Variants in HSPG2 observed in about 807,000 individuals in gnomAD.
HSPG2 encodes the protein heparan sulfate proteoglycan 2.
HSPG2 carries 278 observed loss-of-function variants against 526.6 expected under a neutral mutation model. That is an observed-to-expected ratio of 0.53 (90% CI 0.48 to 0.58). The LOEUF is 0.58. HSPG2 is among the 20% of genes least tolerant of loss of function. The probability of loss-of-function intolerance (pLI) is 0.00; values close to 1 mark genes in which losing one functional copy is unlikely to be tolerated. For missense variants in HSPG2, 5,354 were observed against 6,099.5 expected (o/e 0.88, Z 4.07); for synonymous variants, 2,465 against 2,555.4 (o/e 0.96, Z 1.07).
intron 1 of HSPG2, among the ~76,000 whole-genome samples, chr1:21,922,675 A>G (rs1289272512): frequency 1.3e-5 from 2 of 152,154 alleles, no homozygotes; most frequent in Non-Finnish European, 1.5e-5. Flanking sequence ...AAGCCAACGT[A>G]AGGTGGAGCC....
intron 1 of HSPG2, among the ~76,000 whole-genome samples, chr1:21,927,137 G>A (rs997132977): frequency 2.0e-5 from 3 of 152,186 alleles, no homozygotes; most frequent in Non-Finnish European, 2.9e-5. Context: ...GGAGTGACCC[G>A]AGGCCACCTC....
chr1:21,872,641 G>T lies in HSPG2; in HGVS notation c.4008C>A (p.Ser1336Arg), dbSNP rs999351992. The stretch of plus-strand genomic sequence containing the variant: ...TCACCAGGTGGCGTGTGTAGGCAGA[G>T]CTGGCGCACTGCTGGGTGATGCCCA... ...FCMGITQQCA[S>R]SAYTRHLIST... The change falls in exon 32 of 97, where the codon AGC becomes AGA. Residue 1336 changes from serine to arginine, a missense_variant. Physicochemically the swap from Ser to Arg is moderately radical, Grantham distance 110 (BLOSUM62 -1). Coordinates refer to ENST00000374695, the MANE Select transcript of HSPG2 (RefSeq NM_005529.7). This position sits in a 1 kb window ranked among gnomAD's most constrained non-coding sequence, Gnocchi z 5.5. The T allele has an allele frequency of 6.3e-7, 1 of 1,593,246 alleles. No individual in the cohort carries two copies.
intron 33 of HSPG2, among the ~76,000 whole-genome samples, chr1:21,871,912 A>G (rs1640680066): frequency 6.6e-6 from 1 of 152,240 alleles, no homozygotes; most frequent in South Asian, 2.1e-4. Context: ...GAATAACTGC[A>G]TGAAAGCTAA....
At position 21,875,746 on chromosome 1, in the gene HSPG2, T is replaced by G; in HGVS notation, c.3185A>C (p.Gln1062Pro). ...CTGCCCATCGGGCCGCTGCCATGCTTGCTGCCAAGGAGAGGACACATGTGC... is the reference window on the plus strand; with the variant it reads ...CTGCCCATCGGGCCGCTGCCATGCTGGCTGCCAAGGAGAGGACACATGTGC... Reference protein sequence around the residue: ...PSTFIVPFREQAWQRPDGQPA... With the variant: ...PSTFIVPFREPAWQRPDGQPA... The change falls in exon 25 of 97, where the codon CAA becomes CCA. Residue 1062 changes from glutamine (Q) to proline (P), a missense_variant and splice_region_variant. Transcript: ENST00000374695. 1 of 1,605,838 alleles carries G rather than the reference T, an allele frequency of 6.2e-7. No homozygotes were observed. Among genetic ancestry groups the G allele is most frequent in the Non-Finnish European group, 8.5e-7 (1 of 1,179,838 alleles).
At chr1:21,882,540 C>T (rs1356076611) in intron 13 of HSPG2, among the ~76,000 whole-genome samples, 1 of 151,978 alleles carries the variant, frequency 6.6e-6, no homozygotes, top group Non-Finnish European at 1.5e-5. Flanking sequence ...TATCCTGTAC[C>T]TACACTCTTC....
chr1:21,872,588 A>T lies in HSPG2; in HGVS notation c.4029+32T>A, dbSNP rs2501266. The T allele has an allele frequency of 1, 1,560,208 of 1,565,318 alleles. 777,672 individuals carry two copies. Among genetic ancestry groups the T allele is most frequent in the East Asian group, 1 (42,709 of 42,710 alleles). ...ACAGTAACAGGCAGCAGGTGGCAAC[A>T]CCGCCTGGGGCTGGGCAGCACAGGC... is the stretch of plus-strand genomic sequence containing the variant. On this transcript the variant is annotated intron_variant, in intron 32 of 96. Coordinates refer to ENST00000374695, the MANE Select transcript of HSPG2 (RefSeq NM_005529.7). This position sits in a 1 kb window ranked among gnomAD's most constrained non-coding sequence, Gnocchi z 5.5.
chr1:21,904,324 G>GGAGGGAAGGGCACACGCT lies in HSPG2; in HGVS notation c.64-8032_64-8015dup, dbSNP rs1553177080. On this transcript the variant is annotated intron_variant, in intron 1 of 96. Transcript: ENST00000374695. The surrounding 1 kb of genome is among the most constrained non-coding windows in gnomAD (Gnocchi z 4.4). ...AGAAGGGGAAGAGTGCGGACCAGGTGGAGGGAAGGGCACACGCTGAGGCCA... is the reference window on the plus strand; with the variant it reads ...AGAAGGGGAAGAGTGCGGACCAGGTGGAGGGAAGGGCACACGCTGAGGGAAGGGCACACGCTGAGGCCA... 2.0e-5 allele frequency among the ~76,000 whole-genome samples: 3 copies of GGAGGGAAGGGCACACGCT among 152,138 alleles called. No homozygotes were observed. Among genetic ancestry groups the GGAGGGAAGGGCACACGCT allele is most frequent in the Non-Finnish European group, 4.4e-5 (3 of 68,028 alleles).
Position 21,851,906 on chromosome 1 carries a change from G to A in HSPG2, c.6891C>T (p.Tyr2297=). The A allele has an allele frequency of 6.2e-7, 1 of 1,605,994 alleles. No individual in the cohort carries two copies. Among genetic ancestry groups the A allele is most frequent in the Non-Finnish European group, 8.5e-7 (1 of 1,176,860 alleles). ...CATCGGCAGGTGAGGCCTGGAAGATGTACAGGCGGGAGCCACGAACCTGGG... is the reference window on the plus strand; with the variant it reads ...CATCGGCAGGTGAGGCCTGGAAGATATACAGGCGGGAGCCACGAACCTGGG... ...ARHQVRGSRL[Y]IFQASPADAG... The change falls in exon 54 of 97, where the codon TAC becomes TAT. Residue 2297 remains tyrosine, a synonymous_variant. Transcript: ENST00000374695.
In HSPG2 at chr1:21,832,561, G is replaced by C; in HGVS notation, c.11141C>G (p.Thr3714Ser). 1.2e-6 allele frequency: 2 copies of C among 1,614,192 alleles called. No homozygotes were observed. The highest frequency in any genetic ancestry group is 1.7e-6 in the Non-Finnish European group (2 of 1,180,022). ...GTCGGGCTGCCGGTTGGCCAGGTTG[G>C]TGGGGCTCCCTGGGACTCGCTTCTG... ...NGQKRVPGSP[T>S]NLANRQPDFI... The change falls in exon 81 of 97, where the codon ACC (threonine) becomes AGC (serine). Residue 3714 changes from threonine to serine, a missense_variant. Physicochemically the swap from Thr to Ser is moderately conservative, Grantham distance 58 (BLOSUM62 1). Coordinates refer to ENST00000374695, the MANE Select transcript of HSPG2 (RefSeq NM_005529.7).
At chr1:21,874,256 G>T in intron 28 of HSPG2, 150 bp downstream of exon 28, 1 of 1,108,846 alleles carries the variant, frequency 9.0e-7, no homozygotes, top group Non-Finnish European at 1.3e-6. Context: ...GGCCCTGAAA[G>T]TGAAGTGTAT....
chr1:21,870,310 C>T (rs892668610), intron 33 of HSPG2: 57 of 985,816 alleles, frequency 5.8e-5, no homozygotes, highest in Non-Finnish European at 6.3e-5. Flanking sequence ...GAGGGATGTG[C>T]GGTTCTGATG....
chr1:21,847,482 G>A lies in HSPG2; in HGVS notation c.8036C>T (p.Ser2679Phe), dbSNP rs760854492. The change falls in exon 62 of 97, where the codon TCC (serine) becomes TTC (phenylalanine). Residue 2679 changes from serine to phenylalanine, a missense_variant. Physicochemically the swap from Ser to Phe is radical, Grantham distance 155. Transcript: ENST00000374695. This position sits in a 1 kb window ranked among gnomAD's most constrained non-coding sequence, Gnocchi z 4.1. ...AGACATTTGGTGCAACCGCAGGTGGGAGCCATGGGTCTGGACGTGCGGATG... is the reference window on the plus strand; with the variant it reads ...AGACATTTGGTGCAACCGCAGGTGGAAGCCATGGGTCTGGACGTGCGGATG... ...SLPSRHQTHG[S>F]HLRLHQMSVA... The A allele has an allele frequency of 1.2e-6, 2 of 1,613,822 alleles. No homozygotes were observed. Among genetic ancestry groups the A allele is most frequent in the East Asian group, 4.5e-5 (2 of 44,900 alleles).
Position 21,887,132 on chromosome 1 carries a change from G to GGCGGGGCAGGAGTGGAAT in HSPG2, c.1078+82_1078+83insATTCCACTCCTGCCCCGC. ...GGGGAAAGCGGAGGGGCAGGGTAGG[G>GGCGGGGCAGGAGTGGAAT]GCGGGGCAGGAGTGGAAGGCGGGGC... On this transcript the variant is annotated intron_variant, in intron 9 of 96. Transcript: ENST00000374695. The surrounding 1 kb of genome is among the most constrained non-coding windows in gnomAD (Gnocchi z 5.0). The GGCGGGGCAGGAGTGGAAT allele has an allele frequency of 6.7e-7, 1 of 1,488,654 alleles. No individual in the cohort carries two copies. Among genetic ancestry groups the GGCGGGGCAGGAGTGGAAT allele is most frequent in the Non-Finnish European group, 9.2e-7 (1 of 1,089,808 alleles). The allele number at this position is 1,488,654 out of a possible 1,614,324, so 92.2% of individuals were successfully genotyped here. A position where few individuals can be genotyped will look rare whatever the true frequency, so the allele number is the denominator to read the frequency against.
In HSPG2 at chr1:21,864,648, C is replaced by T. The variant is rs530107383; in HGVS notation, c.4626+195G>A. On this transcript the variant is annotated intron_variant, in intron 36 of 96. Transcript: ENST00000374695. The surrounding 1 kb of genome is among the most constrained non-coding windows in gnomAD (Gnocchi z 4.8). ...GTGCCCTTGGGACACACTCACCCCT[C>T]AGCACCTCTATTTTTTTACCTGTTA... Among the ~76,000 whole-genome samples, 3 of 152,372 alleles carry T rather than the reference C, an allele frequency of 2.0e-5. No homozygotes were observed. The highest frequency in any genetic ancestry group is 2.0e-4 in the Admixed American group (3 of 15,308).
Position 21,880,499 on chromosome 1 carries a change from G to C in HSPG2, c.2059C>G (p.Gln687Glu), listed in dbSNP as rs1248584342. 6.2e-7 allele frequency: 1 copy of C among 1,613,712 alleles called. No homozygotes were observed. The highest frequency in any genetic ancestry group is 1.7e-5 in the Admixed American group (1 of 60,012). ...TGGATGAGCACGGCCTCCAGGCTCT[G>C]CAGCACCTGCAGCAGCTCCGCGCGC... is the stretch of plus-strand genomic sequence containing the variant. ...VQRAELLQVL[Q>E]SLEAVLIQTV... Residue 687 changes from glutamine (Q) to glutamate (E), a missense_variant, in exon 16 of 97, where the codon CAG becomes GAG. Coordinates refer to ENST00000374695, the MANE Select transcript of HSPG2 (RefSeq NM_005529.7).
intron 1 of HSPG2, among the ~76,000 whole-genome samples, chr1:21,903,980 AGTAGAATCGATCAGATCT>A (rs1211725255): frequency 1.3e-5 from 2 of 152,248 alleles, no homozygotes; most frequent in African/African-American, 4.8e-5. Context: ...CCTTAAAAAA[AGTAGAATCGATCAGATCT>A]GTCCCATTTG....
intron 1 of HSPG2, among the ~76,000 whole-genome samples, chr1:21,911,268 G>A (rs1390323575): frequency 6.6e-6 from 1 of 152,220 alleles, no homozygotes; most frequent in African/African-American, 2.4e-5. Context: ...GATGTACTGG[G>A]AGGAGGGGGC....
chr1:21,847,269 G>C lies in HSPG2; in HGVS notation c.8164+85C>G. 6.6e-7 allele frequency: 1 copy of C among 1,504,550 alleles called. No homozygotes were observed. The highest frequency in any genetic ancestry group is 9.2e-7 in the Non-Finnish European group (1 of 1,084,084). The allele number at this position is 1,504,550 out of a possible 1,614,324, so 93.2% of individuals were successfully genotyped here. ...GCTGGCCCTTGCCTGAGTACCACCA[G>C]GTCTGAGGACTCTGACCTGAAAGTT... On this transcript the variant is annotated intron_variant, in intron 62 of 96. Transcript: ENST00000374695. This position sits in a 1 kb window ranked among gnomAD's most constrained non-coding sequence, Gnocchi z 4.1.
intron 1 of HSPG2, among the ~76,000 whole-genome samples, chr1:21,934,083 C>T (rs1644418965): frequency 6.6e-6 from 1 of 152,228 alleles, no homozygotes; most frequent in African/African-American, 2.4e-5. Context: ...GTCACCCAGG[C>T]CCAGCCCCCT....
Sources: allele counts gnomAD v4.1 joint callset (sites outside exome capture counted in the v4.1 genomes callset), GRCh38; gene constraint gnomAD v4.1.1; non-coding constraint Gnocchi (gnomAD v3.1); transcripts MANE v1.5; gene names NCBI Gene and HGNC (gene_info 2026-07-23, HGNC 2026-07-21).